The following IGF2R variants were observed in gnomAD, a reference collection of about 807,000 sequenced individuals.
IGF2R encodes cation-independent mannose-6-phosphate receptor.
A neutral mutation model predicts 270.6 loss-of-function variants in IGF2R; 91 were observed. That is an observed-to-expected ratio of 0.34 (90% CI 0.28 to 0.40). The LOEUF is 0.40. Among genes scored for constraint, IGF2R ranks in the 10% least tolerant of loss-of-function variants. IGF2R has a pLI of 1.00. For synonymous variants in IGF2R, 1,316 were observed against 1,258.9 expected (o/e 1.05, Z -0.96); for missense variants, 2,805 against 3,188.3 (o/e 0.88, Z 2.90).
chr6:160,099,315 GT>G (rs898956477), intron 45 of IGF2R, among the ~76,000 whole-genome samples: 10 of 151,074 alleles, frequency 6.6e-5, no homozygotes, highest in Admixed American at 1.3e-4. Flanking sequence ...AATGAAACCA[GT>G]TTTTTTTCCT....
At chr6:160,053,328 G>A (rs1428504645) in intron 19 of IGF2R, among the ~76,000 whole-genome samples, 1 of 151,978 alleles carries the variant, frequency 6.6e-6, no homozygotes, top group East Asian at 1.9e-4. Flanking sequence ...ATGAGTTGAT[G>A]GGTGCAGCAA....
At chr6:160,048,647 C>CCTT in intron 18 of IGF2R, 104 bp downstream of exon 18, 1 of 1,188,116 alleles carries the variant, frequency 8.4e-7, no homozygotes, top group Non-Finnish European at 1.2e-6. Flanking sequence ...AGCACAGCTG[C>CCTT]TCGAGAGAAA....
chr6:160,032,537 A>G lies in IGF2R; in HGVS notation c.883-14A>G, dbSNP rs8191762. 3.6e-3 allele frequency: 5,737 copies of G among 1,608,972 alleles called. 162 individuals carry two copies. The African/African-American group carries it at 0.062, about 17-fold the overall frequency. On this transcript the variant is annotated splice_polypyrimidine_tract_variant and intron_variant, in intron 7 of 47. Coordinates refer to ENST00000356956, the MANE Select transcript of IGF2R (RefSeq NM_000876.4). ...ACATTTTTTATTTTGCTTCTTTCAC[A>G]TTGTTCCTGATAGGGCACCATTCCC...
intron 2 of IGF2R, among the ~76,000 whole-genome samples, chr6:160,002,860 CCAAATA>C (rs1241340479): frequency 2.0e-5 from 3 of 152,034 alleles, no homozygotes; most frequent in Non-Finnish European, 4.4e-5. Context: ...AGTAAAAATA[CCAAATA>C]CATTCACATT....
rs59215791 is a variant in IGF2R, at chr6:160,000,728, G to GTTTTTTTTTT, written c.290-8266_290-8257dup. ...GGAAGATAATAGTTGGTGTGAGGTTGTTTTTTTTTTTTTTTTTTTTTTTTT... is the reference window on the plus strand; with the variant it reads ...GGAAGATAATAGTTGGTGTGAGGTTGTTTTTTTTTTTTTTTTTTTTTTTTTTTTTTTTTTT... On this transcript the variant is annotated intron_variant, in intron 2 of 47. Coordinates refer to ENST00000356956, the MANE Select transcript of IGF2R (RefSeq NM_000876.4). Among the ~76,000 whole-genome samples the GTTTTTTTTTT allele has an allele frequency of 7.0e-4, 49 of 69,962 alleles. 4 individuals carry two copies. Among genetic ancestry groups the GTTTTTTTTTT allele is most frequent in the African/African-American group, 2.8e-3 (47 of 16,728 alleles). The allele number at this position is 69,962 out of a possible 152,430, so 45.9% of individuals were successfully genotyped here. A position where few individuals can be genotyped will look rare whatever the true frequency, so the allele number is the denominator to read the frequency against.
intron 29 of IGF2R, among the ~76,000 whole-genome samples, chr6:160,065,921 C>T (rs906906647): frequency 6.7e-6 from 1 of 148,382 alleles, no homozygotes; most frequent in Non-Finnish European, 1.5e-5. Flanking sequence ...TCACTGCAAC[C>T]TCCTCCTCCC....
chr6:160,055,719 CTG>C (rs757755943), intron 19 of IGF2R, among the ~76,000 whole-genome samples: 17 of 152,136 alleles, frequency 1.1e-4, no homozygotes, highest in Non-Finnish European at 1.9e-4. Flanking sequence ...CATTTGTAGG[CTG>C]TGTTTGTGGG....
Position 160,084,060 on chromosome 6 carries a change from A to G in IGF2R, c.5944A>G (p.Lys1982Glu). The change falls in exon 40 of 48, where the codon AAA becomes GAA. Residue 1982 changes from lysine to glutamate, a missense_variant. This residue lies in a region of IGF2R where 1,851 missense variants were observed against 2,207.2 expected (regional missense o/e 0.84). Coordinates refer to ENST00000356956, the MANE Select transcript of IGF2R (RefSeq NM_000876.4). This position sits in a 1 kb window ranked among gnomAD's most constrained non-coding sequence, Gnocchi z 4.6. ...TGGGTGTGATGTGACATTTGAGTGG[A>G]AAACAAAAGTTGTCTGCCCTCCAAA... ...VRGCDVTFEWKTKVVCPPKKL... is the reference protein window; with the variant it reads ...VRGCDVTFEWETKVVCPPKKL... The G allele has an allele frequency of 1.2e-6, 2 of 1,614,178 alleles. No homozygotes were observed. Among genetic ancestry groups the G allele is most frequent in the Non-Finnish European group, 1.7e-6 (2 of 1,180,014 alleles).
chr6:160,011,651 A>G (rs540162710), intron 4 of IGF2R, among the ~76,000 whole-genome samples: 1 of 150,440 alleles, frequency 6.6e-6, no homozygotes, highest in Non-Finnish European at 1.5e-5. Flanking sequence ...GTGGTGTTTA[A>G]TGGATCTCTT....
In IGF2R at chr6:160,084,092, G is replaced by A. The variant is rs748351695; in HGVS notation, c.5976G>A (p.Leu1992=). 4 of 1,614,008 alleles carry A rather than the reference G, an allele frequency of 2.5e-6. No homozygotes were observed. The highest frequency in any genetic ancestry group is 3.4e-6 in the Non-Finnish European group (4 of 1,180,004). The part of the protein sequence containing the change: ...KTKVVCPPKK[L]ECKFVQKHKT... ...AAGTTGTCTGCCCTCCAAAGAAGTT[G>A]GAGTGCAAATTCGTCCAGAAACACA... Residue 1992 remains leucine, a synonymous_variant, in exon 40 of 48, where the codon TTG becomes TTA. Transcript: ENST00000356956. The surrounding 1 kb of genome is among the most constrained non-coding windows in gnomAD (Gnocchi z 4.6).
intron 1 of IGF2R, among the ~76,000 whole-genome samples, chr6:159,970,695 A>G (rs1286804163): frequency 6.6e-6 from 1 of 152,240 alleles, no homozygotes; most frequent in Non-Finnish European, 1.5e-5. Context: ...AGTATGATAC[A>G]GAGAAATGGT....
At chr6:159,975,907 A>C (rs1421629700) in intron 1 of IGF2R, among the ~76,000 whole-genome samples, 2 of 151,560 alleles carry the variant, frequency 1.3e-5, no homozygotes, top group Admixed American at 1.3e-4. Context: ...TACTTTATGA[A>C]ATATGCTTAC....
rs56105769 is a variant in IGF2R at position 159,986,402 on chromosome 6, TTGTGTGTGTGTGTG to T, written c.150-4766_150-4753del. Among the ~76,000 whole-genome samples the T allele has an allele frequency of 4.9e-3, 643 of 131,966 alleles. 2 individuals carry two copies. Among genetic ancestry groups the T allele is most frequent in the African/African-American group, 0.017 (602 of 35,564 alleles). 86.6% of individuals were successfully genotyped at this position (131,966 alleles called of 152,430 possible). A position where few individuals can be genotyped will look rare whatever the true frequency, so the allele number is the denominator to read the frequency against. On this transcript the variant is annotated intron_variant, in intron 1 of 47. Transcript: ENST00000356956. ...GTGCGCGACCATGCCTGGCTAATTT[TTGTGTGTGTGTGTG>T]TGTGTGTGTGTGTGTTTTTTTTTTT...
chr6:159,998,270 G>A lies in IGF2R; in HGVS notation c.289+6947G>A, dbSNP rs145293153. ...AATGAAAGTATGTCTTGAGTTTATG[G>A]TAGTATAGTATGGTATGGTATAGTG... On this transcript the variant is annotated intron_variant, in intron 2 of 47. Coordinates refer to ENST00000356956, the MANE Select transcript of IGF2R (RefSeq NM_000876.4). This position sits in a 1 kb window ranked among gnomAD's most constrained non-coding sequence, Gnocchi z 4.1. 1.1e-4 allele frequency among the ~76,000 whole-genome samples: 17 copies of A among 152,308 alleles called. No homozygotes were observed. In the East Asian group the frequency reaches 2.9e-3, roughly 26 times the overall value.
At chr6:160,010,002 C>T (rs571602416) in intron 3 of IGF2R, among the ~76,000 whole-genome samples, 8 of 152,090 alleles carry the variant, frequency 5.3e-5, no homozygotes, top group Admixed American at 6.5e-5. Flanking sequence ...AGAATCTGTT[C>T]GCAGCAGCAT....
At chr6:160,087,044 G>T (rs1759368771) in intron 41 of IGF2R, among the ~76,000 whole-genome samples, 1 of 152,136 alleles carries the variant, frequency 6.6e-6, no homozygotes, top group African/African-American at 2.4e-5. Context: ...GTTGGAACCT[G>T]GCGGCCATGC....
intron 45 of IGF2R, among the ~76,000 whole-genome samples, chr6:160,098,727 G>A (rs1229343951): frequency 6.6e-6 from 1 of 152,188 alleles, no homozygotes; most frequent in African/African-American, 2.4e-5. Flanking sequence ...GCTGAGGCAG[G>A]AGAATTGCTT....
intron 1 of IGF2R, among the ~76,000 whole-genome samples, chr6:159,980,175 C>A (rs1009417847): frequency 1.9e-5 from 2 of 105,378 alleles, no homozygotes; most frequent in Non-Finnish European, 4.0e-5. Flanking sequence ...AGTGAGACTC[C>A]GTCTCAAAAA....
In IGF2R at chr6:160,010,710, A is replaced by G; in HGVS notation, c.438A>G (p.Ala146=). The change falls in exon 4 of 48, where the codon GCA becomes GCG. Residue 146 remains alanine (A), a synonymous_variant. Transcript: ENST00000356956. ...KTLGTPEFVT[A]TECVHYFEWR... is the part of the protein sequence containing the mutation. Reference sequence around the variant, plus strand: ...AGGGAACTCCTGAATTTGTAACTGCAACAGAATGTGTGCACTACTTTGAGT... The same window carrying G: ...AGGGAACTCCTGAATTTGTAACTGCGACAGAATGTGTGCACTACTTTGAGT... 1 of 1,609,796 alleles carries G rather than the reference A, an allele frequency of 6.2e-7. No homozygotes were observed. The highest frequency in any genetic ancestry group is 2.2e-5 in the East Asian group (1 of 44,864).
Sources: allele counts gnomAD v4.1 joint callset (sites outside exome capture counted in the v4.1 genomes callset), GRCh38; gene constraint gnomAD v4.1.1; regional missense constraint gnomAD v4.1.1; non-coding constraint Gnocchi (gnomAD v3.1); transcripts MANE v1.5; gene names NCBI Gene and HGNC (gene_info 2026-07-23, HGNC 2026-07-21).